MAPK8: variants seen among roughly 807,000 people sequenced by gnomAD.
The protein encoded by MAPK8 is JUN N-terminal kinase.
A neutral mutation model predicts 52.9 loss-of-function variants in MAPK8; 13 were observed. The ratio of observed to expected loss-of-function variants is 0.25; its 90% confidence interval spans 0.16 to 0.39. The LOEUF (loss-of-function observed/expected upper bound fraction) is 0.39, where lower values mean the gene tolerates loss of function less well. Ranked by LOEUF, MAPK8 falls within the 10% of genes least tolerant of loss-of-function variation. MAPK8 has a pLI of 1.00. For synonymous variants in MAPK8, 191 were observed against 169.8 expected (o/e 1.12, Z -0.97); for missense variants, 300 against 519.2 (o/e 0.58, Z 4.10).
intron 5 of MAPK8, among the ~76,000 whole-genome samples, chr10:48,412,870 A>G (rs2042834476): frequency 6.6e-6 from 1 of 152,324 alleles, no homozygotes; most frequent in Non-Finnish European, 1.5e-5. Context: ...ATGTGCAACC[A>G]TCACCACCAT....
intron 1 of MAPK8, among the ~76,000 whole-genome samples, chr10:48,325,492 T>C (rs1026332452): frequency 2.0e-5 from 3 of 152,262 alleles, no homozygotes; most frequent in African/African-American, 7.2e-5. Context: ...TCAGAAGTTT[T>C]ATGATCATTT....
rs930247994 is a variant in MAPK8 at position 48,436,274 on chromosome 10, A to T, written c.*1245A>T. On this transcript the variant is annotated 3_prime_UTR_variant, in exon 12 of 12. Transcript: ENST00000374189. ...TAGTCTAAGTCTTTTATTTTTTTAT[A>T]CCTGATTTTCAACATAACACGCAAT... The T allele has an allele frequency of 6.6e-5, 10 of 152,156 alleles. No individual in the cohort carries two copies. Among genetic ancestry groups the T allele is most frequent in the African/African-American group, 2.4e-4 (10 of 41,430 alleles). The allele number at this position is 152,156 out of a possible 1,614,324, so 9.4% of individuals were successfully genotyped here.
intron 1 of MAPK8, among the ~76,000 whole-genome samples, chr10:48,358,443 T>A (rs1042450989): frequency 6.6e-6 from 1 of 152,204 alleles, no homozygotes; most frequent in African/African-American, 2.4e-5. Context: ...GTAACATACT[T>A]ATTGGCTGTT....
At chr10:48,336,851 C>T (rs1844737742) in intron 1 of MAPK8, among the ~76,000 whole-genome samples, 1 of 152,052 alleles carries the variant, frequency 6.6e-6, no homozygotes, top group African/African-American at 2.4e-5. Context: ...TCAGATAACA[C>T]AGATATTAAA....
At chr10:48,425,323 T>C in intron 7 of MAPK8, 1 of 565,546 alleles carries the variant, frequency 1.8e-6, no homozygotes, top group Non-Finnish European at 3.2e-6. Flanking sequence ...TGAATCTTTT[T>C]TATAAGGGTC....
chr10:48,353,463 G>A (rs967157307), intron 1 of MAPK8, among the ~76,000 whole-genome samples: 1 of 152,164 alleles, frequency 6.6e-6, no homozygotes, highest in Non-Finnish European at 1.5e-5. Flanking sequence ...TTTGACAGAC[G>A]TACAAAAGAG....
At chr10:48,429,469 A>C (rs1463409011) in intron 10 of MAPK8, among the ~76,000 whole-genome samples, 2 of 152,196 alleles carry the variant, frequency 1.3e-5, no homozygotes, top group African/African-American at 4.8e-5. Flanking sequence ...GATCTACTTA[A>C]GAGTTTTAGC....
intron 1 of MAPK8, among the ~76,000 whole-genome samples, chr10:48,337,613 A>G (rs979864167): frequency 6.6e-6 from 1 of 152,166 alleles, no homozygotes; most frequent in African/African-American, 2.4e-5. Flanking sequence ...GTGCAGAACT[A>G]AACAGAATTG....
At chr10:48,367,344 G>A (rs1238620270) in intron 1 of MAPK8, among the ~76,000 whole-genome samples, 1 of 151,914 alleles carries the variant, frequency 6.6e-6, no homozygotes, top group African/African-American at 2.4e-5. Flanking sequence ...TCCAGCCTGG[G>A]TGGCAGAGTG....
chr10:48,357,292 T>C (rs982744407), intron 1 of MAPK8, among the ~76,000 whole-genome samples: 1 of 152,206 alleles, frequency 6.6e-6, no homozygotes, highest in Non-Finnish European at 1.5e-5. Flanking sequence ...TTCTGTGCCT[T>C]CTTTGTTTTT....
At chr10:48,418,449 C>T (rs527576318) in intron 5 of MAPK8, among the ~76,000 whole-genome samples, 2 of 149,586 alleles carry the variant, frequency 1.3e-5, no homozygotes, top group Non-Finnish European at 3.0e-5. Flanking sequence ...GTGGACTGTG[C>T]GTTTACATAG....
At chr10:48,348,209 CAT>C (rs1845973075) in intron 1 of MAPK8, among the ~76,000 whole-genome samples, 1 of 152,156 alleles carries the variant, frequency 6.6e-6, no homozygotes, top group Non-Finnish European at 1.5e-5. Flanking sequence ...AGTGTCTGTT[CAT>C]ATGTTTCACC....
chr10:48,411,064 A>G (rs898020577), intron 5 of MAPK8, among the ~76,000 whole-genome samples: 4 of 152,196 alleles, frequency 2.6e-5, no homozygotes, highest in Admixed American at 2.6e-4. Context: ...ATTTTCTCCC[A>G]TTCTGTAGGT....
intron 11 of MAPK8, 117 bp downstream of exon 11, chr10:48,431,387 A>T (rs2044238269): frequency 2.9e-6 from 2 of 696,086 alleles, no homozygotes; most frequent in South Asian, 3.9e-5. Context: ...TTCCAGGCTT[A>T]ATAAGTATAA....
At chr10:48,401,549 A>T (rs2042159927) in intron 1 of MAPK8, 63 bp from the exon 2 acceptor site, 1 of 1,071,208 alleles carries the variant, frequency 9.3e-7, no homozygotes, top group Non-Finnish European at 1.4e-6. Context: ...AACAGTAAGG[A>T]CTCAAATTTT....
At chr10:48,374,488 T>C (rs2040530597) in intron 1 of MAPK8, among the ~76,000 whole-genome samples, 1 of 151,972 alleles carries the variant, frequency 6.6e-6, no homozygotes, top group South Asian at 2.1e-4. Context: ...AATAGACCGC[T>C]AGCCAGACTA....
intron 1 of MAPK8, among the ~76,000 whole-genome samples, chr10:48,387,995 A>G (rs1051195688): frequency 6.6e-6 from 1 of 152,098 alleles, no homozygotes; most frequent in African/African-American, 2.4e-5. Context: ...GTACATATAC[A>G]CTCTTGAGCA....
At chr10:48,389,449 T>G (rs1278595102) in intron 1 of MAPK8, among the ~76,000 whole-genome samples, 1 of 152,186 alleles carries the variant, frequency 6.6e-6, no homozygotes, top group African/African-American at 2.4e-5. Flanking sequence ...TCTGCCACTT[T>G]GTCCATAACT....
rs2043739268 is a variant in MAPK8 at position 48,427,222 on chromosome 10, G to T, written c.1060+79G>T. 3 of 1,072,120 alleles carry T rather than the reference G, an allele frequency of 2.8e-6. No homozygotes were observed. The African/African-American group carries it at 4.8e-5, about 17-fold the overall frequency. The allele number at this position is 1,072,120 out of a possible 1,614,324, so 66.4% of individuals were successfully genotyped here. A position where few individuals can be genotyped will look rare whatever the true frequency, so the allele number is the denominator to read the frequency against. On this transcript the variant is annotated intron_variant, in intron 10 of 11. Coordinates refer to ENST00000374189, the MANE Select transcript of MAPK8 (RefSeq NM_001323329.2). ...TATGGTGATTTATTATCATGTTAGA[G>T]AAATTTGTGACTTTAATATGCATAA...
Sources: gnomAD v4.1 joint callset for allele counts (sites outside exome capture counted in the v4.1 genomes callset) on GRCh38, gnomAD v4.1.1 for gene constraint, MANE v1.5 for transcripts, NCBI Gene and HGNC (gene_info 2026-07-23, HGNC 2026-07-21) for gene names.